PRSS41: variants seen among roughly 807,000 people sequenced by gnomAD.
PRSS41 encodes serine protease 41.
A neutral mutation model predicts 28.8 loss-of-function variants in PRSS41; 37 were observed. That is an observed-to-expected ratio of 1.29 (90% CI 0.99 to 1.69). The LOEUF (loss-of-function observed/expected upper bound fraction) is 1.69. PRSS41 is among the 40% of genes most tolerant of loss of function. PRSS41 has a pLI of 0.00. For missense variants in PRSS41, 431 were observed against 400.7 expected, an observed-to-expected ratio of 1.08 and a Z score of -0.65; for synonymous variants, 195 against 163.1, an observed-to-expected ratio of 1.20 and a Z score of -1.49.
At chr16:2,804,863 G>C (rs1391089623) in intron 5 of PRSS41, 51 bp from the exon 6 acceptor site, 1 of 1,425,238 alleles carries the variant, frequency 7.0e-7, no homozygotes, top group Non-Finnish European at 9.7e-7. Context: ...CATGGCCTCT[G>C]CTGCCCCACC....
At chr16:2,798,901 C>A in intron 2 of PRSS41, 58 bp from the exon 3 acceptor site, 1 of 1,466,228 alleles carries the variant, frequency 6.8e-7, no homozygotes, top group Non-Finnish European at 9.0e-7. Flanking sequence ...CCGGGCAGGG[C>A]GGGCCTGCCC....
Position 2,802,836 on chromosome 16 carries a change from G to A in PRSS41, c.542-1553G>A, listed in dbSNP as rs572793381. ...GATGGCAGCAGTACAGTCCAGCTTCGGCTCCGCATGAGAGGGAGACCGTGG... is the reference window on the plus strand; with the variant it reads ...GATGGCAGCAGTACAGTCCAGCTTCAGCTCCGCATGAGAGGGAGACCGTGG... On this transcript the variant is annotated intron_variant, in intron 4 of 5. Transcript: ENST00000399677. 5.3e-5 allele frequency among the ~76,000 whole-genome samples: 8 copies of A among 152,004 alleles called. No homozygotes were observed. In the East Asian group the frequency reaches 9.7e-4, roughly 18 times the overall value.
At chr16:2,799,016 G>C in exon 3 of PRSS41, 2 of 1,532,446 alleles carry the variant, frequency 1.3e-6, no homozygotes, top group Non-Finnish European at 1.7e-6. Flanking sequence ...GAGTCCGCGC[G>C]CGGGCGCTGG....
chr16:2,798,535 A>G, exon 1 of PRSS41: 1 of 1,530,800 alleles, frequency 6.5e-7, no homozygotes, highest in East Asian at 2.5e-5. Context: ...CTCGGGCTGG[A>G]CTCGGGAAGC....
At chr16:2,803,628 G>A (rs1460140827) in intron 4 of PRSS41, among the ~76,000 whole-genome samples, 1 of 152,184 alleles carries the variant, frequency 6.6e-6, no homozygotes, top group African/African-American at 2.4e-5. Flanking sequence ...TACCTATGTA[G>A]TTGTCTTGAC....
At chr16:2,798,733 T>C in intron 2 of PRSS41, 71 bp downstream of exon 2, 1 of 1,345,078 alleles carries the variant, frequency 7.4e-7, no homozygotes, top group Non-Finnish European at 9.7e-7. Flanking sequence ...CATCTACTGC[T>C]CTCTGTTCCA....
At chr16:2,803,164 G>T (rs1458493064) in intron 4 of PRSS41, among the ~76,000 whole-genome samples, 1 of 152,130 alleles carries the variant, frequency 6.6e-6, no homozygotes, top group Non-Finnish European at 1.5e-5. Context: ...TTACAGATCT[G>T]CAAAGAATGA....
At chr16:2,798,723 C>T (rs2068964722) in intron 2 of PRSS41, 61 bp downstream of exon 2, 2 of 1,365,306 alleles carry the variant, frequency 1.5e-6, no homozygotes, top group South Asian at 1.5e-5. Flanking sequence ...CACGGGGGCC[C>T]ATCTACTGCT....
exon 5 of PRSS41, chr16:2,804,488 T>G: frequency 6.4e-7 from 1 of 1,551,596 alleles, no homozygotes; most frequent in Non-Finnish European, 8.7e-7. Flanking sequence ...AGCCGTAGTA[T>G]GATCTGGGAT....
Position 2,800,277 on chromosome 16 carries a change from G to A in PRSS41, c.541+708G>A, listed in dbSNP as rs948156587. 2.6e-5 allele frequency among the ~76,000 whole-genome samples: 4 copies of A among 152,166 alleles called. 1 individual carries two copies. The highest frequency in any genetic ancestry group is 4.4e-5 in the Non-Finnish European group (3 of 68,026). On this transcript the variant is annotated intron_variant, in intron 4 of 5. Coordinates refer to ENST00000399677, the Ensembl canonical transcript of PRSS41. The stretch of plus-strand genomic sequence containing the variant: ...AAGATAAAAACCAGGCCAGGCGCAT[G>A]AGCCTATAATCCCAGCACTTTGGGA...
In PRSS41 at chr16:2,804,547, G is replaced by A; in HGVS notation, c.699+1G>A. The stretch of plus-strand genomic sequence containing the variant: ...GGATGGCAGTGTAGACACCTGCAAA[G>A]TGAGTGCCTCTACCCCACCAGGGAA... On this transcript the variant is annotated splice_donor_variant, in intron 5 of 5. Coordinates refer to ENST00000399677, the Ensembl canonical transcript of PRSS41. LOFTEE classifies it high-confidence loss of function. 6.4e-7 allele frequency: 1 copy of A among 1,550,440 alleles called. No homozygotes were observed. The highest frequency in any genetic ancestry group is 8.7e-7 in the Non-Finnish European group (1 of 1,146,950).
At chr16:2,802,460 C>G (rs2068995422) in intron 4 of PRSS41, among the ~76,000 whole-genome samples, 2 of 152,204 alleles carry the variant, frequency 1.3e-5, no homozygotes, top group Admixed American at 1.3e-4. Flanking sequence ...CAGAGACACT[C>G]CTCACTTCCC....
chr16:2,805,173 G>A, exon 6 of PRSS41: 2 of 1,479,766 alleles, frequency 1.4e-6, no homozygotes, highest in South Asian at 1.2e-5. Flanking sequence ...CTGTGAGGCT[G>A]CAGTGGGGAC....
chr16:2,798,593 C>A (rs768504318), intron 1 of PRSS41, 43 bp from the exon 2 acceptor site: 3 of 1,522,964 alleles, frequency 2.0e-6, no homozygotes, highest in African/African-American at 2.8e-5. Flanking sequence ...AGCGAGGAGG[C>A]CGGGAGGTGG....
intron 2 of PRSS41, 53 bp downstream of exon 2, chr16:2,798,715 C>T (rs1014746859): frequency 7.2e-6 from 10 of 1,394,016 alleles, no homozygotes; most frequent in Non-Finnish European, 9.3e-6. Context: ...CCGGGGTGCA[C>T]GGGGGCCCAT....
intron 4 of PRSS41, among the ~76,000 whole-genome samples, chr16:2,800,623 G>C (rs531871220): frequency 6.6e-6 from 1 of 151,540 alleles, no homozygotes; most frequent in East Asian, 1.9e-4. Context: ...GGCTGGACTA[G>C]AAGTGGCTGT....
exon 4 of PRSS41, chr16:2,799,436 C>G: frequency 6.4e-7 from 1 of 1,552,168 alleles, no homozygotes; most frequent in Non-Finnish European, 8.7e-7. Flanking sequence ...ATGACATTGC[C>G]CTGCTGAGAC....
intron 4 of PRSS41, among the ~76,000 whole-genome samples, chr16:2,802,380 C>T (rs2068994768): frequency 1.3e-5 from 2 of 150,236 alleles, no homozygotes; most frequent in African/African-American, 4.9e-5. Flanking sequence ...CGGGCGGAGA[C>T]GCTCCTCACT....
chr16:2,801,331 C>A (rs1360905185), intron 4 of PRSS41, among the ~76,000 whole-genome samples: 2 of 150,734 alleles, frequency 1.3e-5, no homozygotes, highest in East Asian at 3.9e-4. Context: ...TGTTCTTGGA[C>A]TCTTATTTTT....
Sources: allele counts gnomAD v4.1 joint callset (sites outside exome capture counted in the v4.1 genomes callset), GRCh38; gene constraint gnomAD v4.1.1; transcripts MANE v1.5; gene names NCBI Gene and HGNC (gene_info 2026-07-23, HGNC 2026-07-21).